CAB39L: variants seen among roughly 807,000 people sequenced by gnomAD.
CAB39L encodes the protein calcium binding protein 39 like.
Under a neutral mutation model 39.1 loss-of-function variants are expected in CAB39L, and 23 were observed. That is an observed-to-expected ratio of 0.59 (90% CI 0.42 to 0.83). The LOEUF is 0.83. Ranked by LOEUF, CAB39L falls within the 40% of genes least tolerant of loss-of-function variation. The pLI, the probability that CAB39L is intolerant of heterozygous loss-of-function variation, is 0.00. For synonymous variants in CAB39L, 126 were observed against 137.2 expected, an observed-to-expected ratio of 0.92 and a Z score of 0.57; for missense variants, 366 against 391.9, an observed-to-expected ratio of 0.93 and a Z score of 0.56.
chr13:49,312,306 C>T (rs1470974759), intron 10 of CAB39L, among the ~76,000 whole-genome samples: 3 of 152,188 alleles, frequency 2.0e-5, no homozygotes, highest in African/African-American at 2.4e-5. Context: ...CCTAGGCCTT[C>T]GCATTCACTC....
At chr13:49,412,571 C>G (rs998958478) in intron 3 of CAB39L, among the ~76,000 whole-genome samples, 1 of 152,088 alleles carries the variant, frequency 6.6e-6, no homozygotes, top group African/African-American at 2.4e-5. Context: ...TTTGGATATG[C>G]ATTGGATACC....
intron 3 of CAB39L, among the ~76,000 whole-genome samples, chr13:49,399,428 T>C (rs1956717652): frequency 6.6e-6 from 1 of 152,094 alleles, no homozygotes; most frequent in Admixed American, 6.6e-5. Flanking sequence ...AGAATAAAAA[T>C]AATATCTTAT....
intron 3 of CAB39L, among the ~76,000 whole-genome samples, chr13:49,414,477 G>C (rs1287060578): frequency 1.3e-5 from 2 of 152,050 alleles, no homozygotes; most frequent in East Asian, 3.8e-4. Context: ...TATTTACAAA[G>C]GAAAGCCAAG....
chr13:49,370,185 A>G (rs111345882), intron 5 of CAB39L, among the ~76,000 whole-genome samples: 1,904 of 152,198 alleles, frequency 0.013, 41 homozygotes, highest in African/African-American at 0.044. Context: ...TAAAATTCAA[A>G]TTGGACTAAT....
intron 6 of CAB39L, 24 bp from the exon 7 acceptor site, chr13:49,350,936 T>C (rs769480219): frequency 3.9e-6 from 6 of 1,535,904 alleles, no homozygotes; most frequent in Admixed American, 4.2e-5. Context: ...AAGAGAGAAA[T>C]AGAGAACTCT....
At chr13:49,312,805 AATAAC>A (rs1318839427) in intron 10 of CAB39L, among the ~76,000 whole-genome samples, 1 of 152,234 alleles carries the variant, frequency 6.6e-6, no homozygotes, top group Non-Finnish European at 1.5e-5. Context: ...TCAAACAGAA[AATAAC>A]ATAACAAATC....
At chr13:49,442,859 C>T (rs1329103809) in intron 1 of CAB39L, among the ~76,000 whole-genome samples, 1 of 148,092 alleles carries the variant, frequency 6.8e-6, no homozygotes, top group East Asian at 2.0e-4. Context: ...TTTGGTATTC[C>T]TGATGCGAGA....
At chr13:49,423,431 T>G (rs571496259) in intron 3 of CAB39L, among the ~76,000 whole-genome samples, 1 of 152,122 alleles carries the variant, frequency 6.6e-6, no homozygotes, top group Non-Finnish European at 1.5e-5. Context: ...AGAGTAAGAA[T>G]TAGAGGCCAG....
chr13:49,439,693 C>G (rs562586737), intron 1 of CAB39L, among the ~76,000 whole-genome samples: 4 of 152,192 alleles, frequency 2.6e-5, no homozygotes, highest in Non-Finnish European at 5.9e-5. Context: ...AATTTACACT[C>G]CCACCAACCG....
At position 49,404,997 on chromosome 13, in the gene CAB39L, C is replaced by T. The variant is rs9316446; in HGVS notation, c.-31-22056G>A. On this transcript the variant is annotated intron_variant, in intron 3 of 10. Transcript: ENST00000409308. ...TTAAAAAGGAGGTAGAGAGAGAGATCGGGGTAGAGAGTTTATTCAAAGAGA... is the reference window on the plus strand; with the variant it reads ...TTAAAAAGGAGGTAGAGAGAGAGATTGGGGTAGAGAGTTTATTCAAAGAGA... 1.1e-4 allele frequency among the ~76,000 whole-genome samples: 16 copies of T among 151,858 alleles called. No individual in the cohort carries two copies. The South Asian group carries it at 2.9e-3, about 28-fold the overall frequency.
intron 3 of CAB39L, among the ~76,000 whole-genome samples, chr13:49,419,907 C>T (rs1270269715): frequency 6.6e-6 from 1 of 151,962 alleles, no homozygotes; most frequent in Admixed American, 6.6e-5. Context: ...AAATCCAGGG[C>T]CAAGATCAGC....
chr13:49,383,240 AT>A (rs1956285612), intron 3 of CAB39L, among the ~76,000 whole-genome samples: 2 of 152,112 alleles, frequency 1.3e-5, no homozygotes, highest in Non-Finnish European at 2.9e-5. Flanking sequence ...AAAACTAGAT[AT>A]TTTGACCAAA....
chr13:49,416,184 G>A (rs1005979257), intron 3 of CAB39L, among the ~76,000 whole-genome samples: 1 of 152,130 alleles, frequency 6.6e-6, no homozygotes, highest in Non-Finnish European at 1.5e-5. Flanking sequence ...AACTAAACTG[G>A]GTTGTAGTGA....
intron 10 of CAB39L, among the ~76,000 whole-genome samples, chr13:49,318,399 T>C: frequency 6.8e-6 from 1 of 146,270 alleles, no homozygotes; most frequent in Non-Finnish European, 1.5e-5. Flanking sequence ...CCCGAGAAGT[T>C]GAGGCTGCAG....
intron 3 of CAB39L, among the ~76,000 whole-genome samples, chr13:49,390,355 T>G (rs1373448166): frequency 6.6e-6 from 1 of 152,202 alleles, no homozygotes; most frequent in African/African-American, 2.4e-5. Flanking sequence ...TAAGTGATCC[T>G]CCCACCTCAG....
chr13:49,429,989 T>C (rs1957295916), intron 3 of CAB39L, among the ~76,000 whole-genome samples: 1 of 152,198 alleles, frequency 6.6e-6, no homozygotes, highest in African/African-American at 2.4e-5. Flanking sequence ...CCAACATTCA[T>C]TTGTACAAAA....
chr13:49,381,793 G>T (rs1956257863), intron 4 of CAB39L, among the ~76,000 whole-genome samples: 1 of 152,126 alleles, frequency 6.6e-6, no homozygotes, highest in Non-Finnish European at 1.5e-5. Flanking sequence ...TTCCATGAAA[G>T]GATTTTTATT....
chr13:49,343,594 GGGGAGAGGA>G (rs138238417), intron 8 of CAB39L, among the ~76,000 whole-genome samples: 34,807 of 151,288 alleles, frequency 0.23, 4,256 homozygotes, highest in Middle Eastern at 0.3. Context: ...AAAGAGAGAA[GGGGAGAGGA>G]GGGAGAGGAG....
At chr13:49,315,165 A>C (rs1485776059) in intron 10 of CAB39L, among the ~76,000 whole-genome samples, 1 of 152,178 alleles carries the variant, frequency 6.6e-6, no homozygotes, top group Non-Finnish European at 1.5e-5. Context: ...TTTCCATCAA[A>C]GGTCATGGAC....
Sources: allele counts gnomAD v4.1 joint callset (sites outside exome capture counted in the v4.1 genomes callset), GRCh38; gene constraint gnomAD v4.1.1; transcripts MANE v1.5; gene names NCBI Gene and HGNC (gene_info 2026-07-23, HGNC 2026-07-21).